The following GRB14 variants were observed in gnomAD, a reference collection of about 807,000 sequenced individuals.
The protein encoded by GRB14 is growth factor receptor-bound protein 14.
GRB14 carries 38 observed loss-of-function variants against 69.1 expected under a neutral mutation model. The observed-to-expected ratio is 0.55, with a 90% CI of 0.42 to 0.72. The LOEUF is 0.72. Ranked by LOEUF, GRB14 falls within the 30% of genes least tolerant of loss-of-function variation. The probability of loss-of-function intolerance (pLI) is 0.00; values close to 1 mark genes in which losing one functional copy is unlikely to be tolerated. For missense variants in GRB14, 666 were observed against 666.1 expected, an observed-to-expected ratio of 1.00 and a Z score of 0.00; for synonymous variants, 247 against 241.3, an observed-to-expected ratio of 1.02 and a Z score of -0.22.
In GRB14 at chr2:164,579,511, A is replaced by G. The variant is rs1207214838; in HGVS notation, c.325-31695T>C. 1.4e-3 allele frequency among the ~76,000 whole-genome samples: 52 copies of G among 37,504 alleles called. 2 individuals carry two copies. The highest frequency in any genetic ancestry group is 1.0e-2 in the Admixed American group (49 of 4,918). The allele number at this position is 37,504 out of a possible 152,430, so 24.6% of individuals were successfully genotyped here. A position where few individuals can be genotyped will look rare whatever the true frequency, so the allele number is the denominator to read the frequency against. On this transcript the variant is annotated intron_variant, in intron 2 of 13. Coordinates refer to ENST00000263915, the MANE Select transcript of GRB14 (RefSeq NM_004490.3). ...TTACAGGGCACACTTGCACACACAC[A>G]CACACACACACACACACACACACAC...
chr2:164,523,602 T>A (rs1270157890), intron 5 of GRB14, among the ~76,000 whole-genome samples: 1 of 152,112 alleles, frequency 6.6e-6, no homozygotes, highest in Non-Finnish European at 1.5e-5. Flanking sequence ...CCACAGATAT[T>A]AATTAATTGA....
chr2:164,516,383 G>C (rs1056750231), intron 6 of GRB14, among the ~76,000 whole-genome samples: 1 of 151,896 alleles, frequency 6.6e-6, no homozygotes, highest in Admixed American at 6.6e-5. Context: ...AGCTACTTGA[G>C]AGGCTAAGGC....
intron 2 of GRB14, among the ~76,000 whole-genome samples, chr2:164,565,358 G>A (rs766447943): frequency 1.3e-5 from 2 of 152,056 alleles, no homozygotes; most frequent in African/African-American, 4.8e-5. Flanking sequence ...AGAGCATAAG[G>A]GAGTTGGTGG....
At chr2:164,575,280 T>C (rs921247252) in intron 2 of GRB14, among the ~76,000 whole-genome samples, 3 of 152,200 alleles carry the variant, frequency 2.0e-5, no homozygotes, top group Non-Finnish European at 4.4e-5. Flanking sequence ...ATTACAAATA[T>C]ATAAAATCTT....
intron 6 of GRB14, among the ~76,000 whole-genome samples, chr2:164,517,098 G>T (rs1255277070): frequency 6.6e-6 from 1 of 152,094 alleles, no homozygotes; most frequent in Non-Finnish European, 1.5e-5. Flanking sequence ...AAAGAAAAAG[G>T]TTTAAGGGAC....
chr2:164,619,902 G>A, intron 1 of GRB14, 83 bp from the exon 2 acceptor site: 1 of 1,155,458 alleles, frequency 8.7e-7, no homozygotes, highest in South Asian at 1.3e-5. Context: ...AGTGTGCTAA[G>A]GCGAACATGT....
chr2:164,541,147 T>A (rs1175489403), intron 3 of GRB14, among the ~76,000 whole-genome samples: 3 of 152,134 alleles, frequency 2.0e-5, no homozygotes, highest in African/African-American at 7.2e-5. Flanking sequence ...TACAATGAGA[T>A]AGATTATTTT....
chr2:164,603,961 GAAGT>G (rs1223206808), intron 2 of GRB14, among the ~76,000 whole-genome samples: 3 of 152,072 alleles, frequency 2.0e-5, no homozygotes, highest in Non-Finnish European at 2.9e-5. Context: ...TCACAAAGAA[GAAGT>G]AAGAATGGAC....
chr2:164,589,318 G>T (rs1689605917), intron 2 of GRB14, among the ~76,000 whole-genome samples: 1 of 152,166 alleles, frequency 6.6e-6, no homozygotes, highest in Admixed American at 6.5e-5. Context: ...CACAGGCAAT[G>T]TCACAGAAAA....
chr2:164,588,431 T>C (rs2105343879), intron 2 of GRB14, among the ~76,000 whole-genome samples: 2 of 152,276 alleles, frequency 1.3e-5, no homozygotes, highest in South Asian at 4.1e-4. Flanking sequence ...GGCTATGCTG[T>C]TTCTGCCAGT....
intron 3 of GRB14, among the ~76,000 whole-genome samples, chr2:164,528,254 C>T (rs1467479406): frequency 6.6e-6 from 1 of 151,942 alleles, no homozygotes; most frequent in Admixed American, 6.6e-5. Flanking sequence ...TCTGAGAGTC[C>T]ATTGAGTTGT....
intron 2 of GRB14, among the ~76,000 whole-genome samples, chr2:164,577,975 C>CT (rs1487287411): frequency 1.3e-5 from 2 of 152,326 alleles, no homozygotes; most frequent in East Asian, 3.9e-4. Context: ...TGGCTCACGC[C>CT]TATAATCACA....
At chr2:164,598,149 C>T (rs1689829322) in intron 2 of GRB14, among the ~76,000 whole-genome samples, 2 of 152,038 alleles carry the variant, frequency 1.3e-5, no homozygotes, top group Admixed American at 6.6e-5. Context: ...CTCCATTGCT[C>T]AACAAACAGG....
At chr2:164,546,124 A>G (rs910180179) in intron 3 of GRB14, among the ~76,000 whole-genome samples, 11 of 152,164 alleles carry the variant, frequency 7.2e-5, no homozygotes, top group Non-Finnish European at 1.5e-4. Context: ...TGTGCTAATA[A>G]AATTATTATG....
chr2:164,502,512 A>C (rs1329744659), intron 8 of GRB14, among the ~76,000 whole-genome samples, 177 bp from the exon 9 acceptor site: 1 of 152,150 alleles, frequency 6.6e-6, no homozygotes, highest in Non-Finnish European at 1.5e-5. Context: ...ACATTTAAAA[A>C]GACAATTGAA....
intron 3 of GRB14, among the ~76,000 whole-genome samples, chr2:164,529,856 T>A (rs1022671234): frequency 6.6e-6 from 1 of 152,204 alleles, no homozygotes; most frequent in Non-Finnish European, 1.5e-5. Flanking sequence ...GATAAATGCA[T>A]ATAGTCTGGC....
At chr2:164,519,841 A>G (rs181563661) in intron 6 of GRB14, among the ~76,000 whole-genome samples, 30 of 152,190 alleles carry the variant, frequency 2.0e-4, no homozygotes, top group Admixed American at 2.0e-3. Flanking sequence ...AAACTACAAA[A>G]CATTGCTGAA....
chr2:164,518,517 A>G (rs746356657), intron 6 of GRB14, among the ~76,000 whole-genome samples: 1 of 152,196 alleles, frequency 6.6e-6, no homozygotes, highest in African/African-American at 2.4e-5. Context: ...AATAACAAAG[A>G]TCAGAGAAGA....
intron 2 of GRB14, chr2:164,568,356 C>T (rs1414432353): frequency 1.6e-6 from 2 of 1,288,658 alleles, no homozygotes; most frequent in Non-Finnish European, 1.0e-6. Flanking sequence ...GGCAGAGTGA[C>T]TCTTCTTGCA....
Sources: gnomAD v4.1 joint callset for allele counts (sites outside exome capture counted in the v4.1 genomes callset) on GRCh38, gnomAD v4.1.1 for gene constraint, MANE v1.5 for transcripts, NCBI Gene and HGNC (gene_info 2026-07-23, HGNC 2026-07-21) for gene names.